The following FAM171A1 variants were observed in gnomAD, a reference collection of about 807,000 sequenced individuals.
FAM171A1 encodes family with sequence similarity 171 member A1.
Under a neutral mutation model 74.9 loss-of-function variants are expected in FAM171A1, and 23 were observed. The observed-to-expected ratio is 0.31, with a 90% CI of 0.22 to 0.44. The LOEUF (loss-of-function observed/expected upper bound fraction) is 0.44. FAM171A1 is among the 20% of genes least tolerant of loss of function. The pLI, the probability that FAM171A1 is intolerant of heterozygous loss-of-function variation, is 1.00. For missense variants in FAM171A1, 1,162 were observed against 1,159.2 expected, an observed-to-expected ratio of 1.00 and a Z score of -0.03; for synonymous variants, 527 against 505.7, an observed-to-expected ratio of 1.04 and a Z score of -0.57.
intron 1 of FAM171A1, among the ~76,000 whole-genome samples, chr10:15,341,533 G>A (rs1363076531): frequency 6.6e-6 from 1 of 152,126 alleles, no homozygotes; most frequent in Non-Finnish European, 1.5e-5. Context: ...ATTTCTGATC[G>A]GATCCATGGA....
chr10:15,300,540 G>T (rs1423924967), intron 1 of FAM171A1, among the ~76,000 whole-genome samples: 1 of 151,654 alleles, frequency 6.6e-6, no homozygotes, highest in Non-Finnish European at 1.5e-5. Context: ...TTTATTTGGT[G>T]AAACAAAATC....
chr10:15,267,102 C>T (rs1017778915), intron 3 of FAM171A1, among the ~76,000 whole-genome samples: 9 of 152,146 alleles, frequency 5.9e-5, no homozygotes, highest in Non-Finnish European at 8.8e-5. Flanking sequence ...TGGCTCCAAT[C>T]CTAAGTCAAA....
chr10:15,307,528 C>A (rs887672457), intron 1 of FAM171A1, among the ~76,000 whole-genome samples: 1 of 151,720 alleles, frequency 6.6e-6, no homozygotes, highest in African/African-American at 2.4e-5. Flanking sequence ...CTTCTGTAAT[C>A]CCAACTACTC....
chr10:15,273,075 A>C (rs1030270209), intron 3 of FAM171A1, among the ~76,000 whole-genome samples: 2 of 152,086 alleles, frequency 1.3e-5, no homozygotes, highest in Non-Finnish European at 2.9e-5. Context: ...GACACAAAAA[A>C]CCCTTCAAAA....
intron 7 of FAM171A1, among the ~76,000 whole-genome samples, chr10:15,215,268 T>C (rs1833953223): frequency 6.6e-6 from 1 of 152,194 alleles, no homozygotes; most frequent in Non-Finnish European, 1.5e-5. Context: ...ACAGCTAAAC[T>C]TAAAGGCTTT....
intron 1 of FAM171A1, among the ~76,000 whole-genome samples, chr10:15,369,299 T>A (rs1156965932): frequency 6.6e-6 from 1 of 151,580 alleles, no homozygotes; most frequent in Non-Finnish European, 1.5e-5. Context: ...ATATTGGTAT[T>A]TCAAGTGCAA....
intron 5 of FAM171A1, among the ~76,000 whole-genome samples, chr10:15,240,094 C>T (rs986548080): frequency 6.6e-6 from 1 of 152,232 alleles, no homozygotes; most frequent in Non-Finnish European, 1.5e-5. Flanking sequence ...CGTGGTAGCT[C>T]ATGCCTGTAA....
intron 6 of FAM171A1, among the ~76,000 whole-genome samples, chr10:15,217,566 G>A (rs893848386): frequency 6.6e-6 from 1 of 152,146 alleles, no homozygotes; most frequent in African/African-American, 2.4e-5. Flanking sequence ...GGAGTGCGAG[G>A]AGGGGGTTAA....
rs73587661 is a variant in FAM171A1, at chr10:15,226,395, C to G, written c.755-5335G>C. ...GAAATTTCTACATCATTGATTGTTA[C>G]ATAGTTTTTAAAGCATTTGAACCCC... On this transcript the variant is annotated intron_variant, in intron 5 of 7. Transcript: ENST00000378116. Among the ~76,000 whole-genome samples the G allele has an allele frequency of 3.3e-3, 502 of 152,298 alleles. 3 individuals carry two copies. Among genetic ancestry groups the G allele is most frequent in the African/African-American group, 0.011 (469 of 41,560 alleles).
chr10:15,284,172 G>T, intron 1 of FAM171A1, 67 bp from the exon 2 acceptor site: 1 of 1,433,468 alleles, frequency 7.0e-7, no homozygotes, highest in South Asian at 1.2e-5. Flanking sequence ...ACTCTGGTAT[G>T]ACTGTGATGG....
At chr10:15,357,787 A>C (rs2131886191) in intron 1 of FAM171A1, among the ~76,000 whole-genome samples, 1 of 152,336 alleles carries the variant, frequency 6.6e-6, no homozygotes, top group South Asian at 2.1e-4. Context: ...GGCAAGCATA[A>C]TAAAATGTTA....
chr10:15,244,761 C>T (rs1391684462), intron 5 of FAM171A1, among the ~76,000 whole-genome samples: 3 of 152,070 alleles, frequency 2.0e-5, no homozygotes. Flanking sequence ...CAGGTCCCCG[C>T]ACAGACTCAG....
intron 1 of FAM171A1, among the ~76,000 whole-genome samples, chr10:15,297,986 A>G (rs1284963015): frequency 6.6e-6 from 1 of 152,234 alleles, no homozygotes; most frequent in Non-Finnish European, 1.5e-5. Flanking sequence ...CTCCAACTGT[A>G]CAACTTACAC....
rs199664712 is a variant in FAM171A1, at chr10:15,275,968, T to C, written c.326-21A>G. 77 of 1,566,066 alleles carry C rather than the reference T, an allele frequency of 4.9e-5. 2 individuals carry two copies. The African/African-American group carries it at 8.1e-4, about 17-fold the overall frequency. ...AAATACTGCAGGAAAAAGAAATGGA[T>C]AGAAGGGGATTTTAATAGTCATATT... On this transcript the variant is annotated intron_variant, in intron 2 of 7. Transcript: ENST00000378116.
At chr10:15,270,931 C>T (rs1158803037) in intron 3 of FAM171A1, among the ~76,000 whole-genome samples, 1 of 152,170 alleles carries the variant, frequency 6.6e-6, no homozygotes, top group Non-Finnish European at 1.5e-5. Flanking sequence ...GGGGAGAAAC[C>T]AGAGCAGAAA....
intron 5 of FAM171A1, among the ~76,000 whole-genome samples, chr10:15,247,397 A>C (rs574261515): frequency 2.4e-4 from 36 of 152,200 alleles, no homozygotes; most frequent in Admixed American, 6.5e-4. Context: ...TCAGCCTCCC[A>C]AAGTGTTGGG....
chr10:15,219,734 AC>A (rs1834012966), intron 6 of FAM171A1, among the ~76,000 whole-genome samples: 1 of 152,192 alleles, frequency 6.6e-6, no homozygotes, highest in Admixed American at 6.5e-5. Context: ...GGCGTGTGCC[AC>A]CACGCCCAGC....
intron 1 of FAM171A1, among the ~76,000 whole-genome samples, chr10:15,285,486 A>C (rs960830890): frequency 9.9e-5 from 15 of 152,234 alleles, no homozygotes; most frequent in African/African-American, 3.1e-4. Flanking sequence ...CATTCAATTA[A>C]GAGGACTCTG....
intron 1 of FAM171A1, among the ~76,000 whole-genome samples, chr10:15,315,465 G>T (rs977782155): frequency 6.6e-6 from 1 of 152,192 alleles, no homozygotes; most frequent in Non-Finnish European, 1.5e-5. Flanking sequence ...ATTATTATGA[G>T]AAATGGCTAA....
Sources: allele counts gnomAD v4.1 joint callset (sites outside exome capture counted in the v4.1 genomes callset), GRCh38; gene constraint gnomAD v4.1.1; transcripts MANE v1.5; gene names NCBI Gene and HGNC (gene_info 2026-07-23, HGNC 2026-07-21).